The following ITGBL1 variants were observed in gnomAD, a reference collection of about 807,000 sequenced individuals.
ITGBL1 encodes integrin beta-like protein 1.
A neutral mutation model predicts 68.5 loss-of-function variants in ITGBL1; 51 were observed. The observed-to-expected ratio is 0.74, with a 90% CI of 0.59 to 0.94. The LOEUF (loss-of-function observed/expected upper bound fraction) is 0.94, where lower values mean the gene tolerates loss of function less well. ITGBL1 is among the 40% of genes least tolerant of loss of function. The pLI is 0.00. For synonymous variants in ITGBL1, 209 were observed against 227.3 expected, an observed-to-expected ratio of 0.92 and a Z score of 0.72; for missense variants, 649 against 647.4, an observed-to-expected ratio of 1.00 and a Z score of -0.03.
At chr13:101,581,717 CAT>C (rs2050460804) in intron 5 of ITGBL1, among the ~76,000 whole-genome samples, 1 of 152,174 alleles carries the variant, frequency 6.6e-6, no homozygotes, top group Admixed American at 6.5e-5. Flanking sequence ...TTTTCAAAAA[CAT>C]AAATACAACT....
chr13:101,457,302 G>T (rs2139614237), intron 2 of ITGBL1, among the ~76,000 whole-genome samples: 1 of 152,260 alleles, frequency 6.6e-6, no homozygotes, highest in Non-Finnish European at 1.5e-5. Flanking sequence ...TCTTCATGTA[G>T]TCTGGGTCTG....
intron 7 of ITGBL1, among the ~76,000 whole-genome samples, chr13:101,684,501 C>T (rs2033711062): frequency 6.6e-6 from 1 of 151,922 alleles, no homozygotes; most frequent in Non-Finnish European, 1.5e-5. Context: ...ATTTAAATCT[C>T]AAAGCTTTCA....
intron 5 of ITGBL1, among the ~76,000 whole-genome samples, chr13:101,579,868 G>A (rs1285984520): frequency 1.3e-5 from 2 of 152,082 alleles, no homozygotes; most frequent in African/African-American, 4.8e-5. Context: ...ATGCAGATTT[G>A]ATATGGACTA....
intron 2 of ITGBL1, among the ~76,000 whole-genome samples, chr13:101,519,340 AT>A (rs1416900215): frequency 6.6e-6 from 1 of 152,184 alleles, no homozygotes; most frequent in Non-Finnish European, 1.5e-5. Context: ...AGCACTTGAA[AT>A]AAGCGTAGTG....
intron 2 of ITGBL1, among the ~76,000 whole-genome samples, chr13:101,461,111 T>C (rs2048311661): frequency 6.6e-6 from 1 of 152,164 alleles, no homozygotes; most frequent in Admixed American, 6.5e-5. Context: ...TGTGAGAAAT[T>C]CAGGAGTTAT....
chr13:101,631,017 T>A (rs1430196551), intron 7 of ITGBL1, among the ~76,000 whole-genome samples: 2 of 152,192 alleles, frequency 1.3e-5, no homozygotes, highest in African/African-American at 4.8e-5. Context: ...ATCAGACATA[T>A]GTTGATCACT....
chr13:101,676,804 C>T (rs2033514409), intron 7 of ITGBL1, among the ~76,000 whole-genome samples: 1 of 151,972 alleles, frequency 6.6e-6, no homozygotes, highest in Non-Finnish European at 1.5e-5. Flanking sequence ...ATAAGATATT[C>T]GTATAAGATA....
chr13:101,570,452 A>G (rs1305369176), intron 3 of ITGBL1, among the ~76,000 whole-genome samples: 1 of 152,162 alleles, frequency 6.6e-6, no homozygotes, highest in African/African-American at 2.4e-5. Flanking sequence ...ATGGTATTTG[A>G]ATAAAAATTG....
At chr13:101,554,188 C>G (rs1368799995) in intron 2 of ITGBL1, among the ~76,000 whole-genome samples, 2 of 152,290 alleles carry the variant, frequency 1.3e-5, no homozygotes, top group East Asian at 3.9e-4. Context: ...AATAAGGTTA[C>G]ATTCTGTGGT....
At chr13:101,643,756 C>T (rs2032468381) in intron 7 of ITGBL1, among the ~76,000 whole-genome samples, 1 of 152,106 alleles carries the variant, frequency 6.6e-6, no homozygotes, top group Non-Finnish European at 1.5e-5. Context: ...GTAGCTTGAT[C>T]TCTTCACTTC....
intron 2 of ITGBL1, among the ~76,000 whole-genome samples, chr13:101,471,468 C>T (rs960042517): frequency 6.6e-6 from 1 of 151,946 alleles, no homozygotes; most frequent in Non-Finnish European, 1.5e-5. Context: ...TTACAGACCA[C>T]CACAACATTT....
chr13:101,614,365 T>C (rs2031263968), intron 7 of ITGBL1, among the ~76,000 whole-genome samples: 1 of 152,196 alleles, frequency 6.6e-6, no homozygotes, highest in African/African-American at 2.4e-5. Context: ...TTTAGTTCTG[T>C]TACCACAACA....
chr13:101,561,958 AACTG>A (rs1283900679), intron 2 of ITGBL1, among the ~76,000 whole-genome samples: 76 of 152,334 alleles, frequency 5.0e-4, no homozygotes, highest in African/African-American at 1.4e-3. Flanking sequence ...CTCTAAAAAT[AACTG>A]ACTGTCTAAA....
At position 101,708,026 on chromosome 13, in the gene ITGBL1, AACACACACACAC is replaced by A. The variant is rs3062945; in HGVS notation, c.1279+1156_1279+1167del. On this transcript the variant is annotated intron_variant, in intron 9 of 10. Transcript: ENST00000376180. ...CCATCTCCCATCCTACACACATGCA[AACACACACACAC>A]ACACACACACACACACACACACACA... Among the ~76,000 whole-genome samples the A allele has an allele frequency of 5.8e-4, 84 of 144,440 alleles. 1 individual carries two copies. In the East Asian group the frequency reaches 6.3e-3, roughly 11 times the overall value. The allele number at this position is 144,440 out of a possible 152,430, so 94.8% of individuals were successfully genotyped here. A position where few individuals can be genotyped will look rare whatever the true frequency, so the allele number is the denominator to read the frequency against.
At chr13:101,461,536 A>AT (rs1461021785) in intron 2 of ITGBL1, among the ~76,000 whole-genome samples, 1 of 152,060 alleles carries the variant, frequency 6.6e-6, no homozygotes, top group African/African-American at 2.4e-5. Context: ...CCTACTAAAA[A>AT]TTTTTTAAAA....
intron 2 of ITGBL1, among the ~76,000 whole-genome samples, chr13:101,544,028 T>G (rs1355976870): frequency 6.6e-6 from 1 of 152,002 alleles, no homozygotes; most frequent in Non-Finnish European, 1.5e-5. Context: ...GTAGTTTGAT[T>G]GTCTGACGCC....
chr13:101,714,703 G>T, intron 10 of ITGBL1, 152 bp downstream of exon 10: 1 of 609,992 alleles, frequency 1.6e-6, no homozygotes. Flanking sequence ...TTGGGAAAAA[G>T]CCCTCACAAA....
chr13:101,638,808 A>T (rs2032262524), intron 7 of ITGBL1, among the ~76,000 whole-genome samples: 1 of 152,198 alleles, frequency 6.6e-6, no homozygotes, highest in South Asian at 2.1e-4. Flanking sequence ...CAGCCAAACC[A>T]TATCACTATT....
intron 3 of ITGBL1, among the ~76,000 whole-genome samples, chr13:101,570,231 G>T (rs2050250662): frequency 6.6e-6 from 1 of 152,132 alleles, no homozygotes; most frequent in Non-Finnish European, 1.5e-5. Flanking sequence ...TTATTCTGGT[G>T]CACAGAGTTT....
Sources: gnomAD v4.1 joint callset for allele counts (sites outside exome capture counted in the v4.1 genomes callset) on GRCh38, gnomAD v4.1.1 for gene constraint, MANE v1.5 for transcripts, NCBI Gene and HGNC (gene_info 2026-07-23, HGNC 2026-07-21) for gene names.